The following KCNAB1 variants were observed in gnomAD, a reference collection of about 807,000 sequenced individuals.
The protein encoded by KCNAB1 is voltage-gated potassium channel subunit beta-1.
A neutral mutation model predicts 64.6 loss-of-function variants in KCNAB1; 35 were observed. The observed-to-expected ratio is 0.54, with a 90% CI of 0.41 to 0.72. The LOEUF is 0.72. KCNAB1 is among the 30% of genes least tolerant of loss of function. The pLI is 0.00. For synonymous variants in KCNAB1, 177 were observed against 183.8 expected (o/e 0.96, Z 0.30); for missense variants, 401 against 512.9 (o/e 0.78, Z 2.11).
intron 1 of KCNAB1, among the ~76,000 whole-genome samples, chr3:156,378,050 A>T (rs966063470): frequency 6.6e-6 from 1 of 152,194 alleles, no homozygotes; most frequent in East Asian, 1.9e-4. Context: ...GTATATGGAC[A>T]TGCAGGGAGC....
intron 1 of KCNAB1, among the ~76,000 whole-genome samples, chr3:156,202,711 G>A (rs949171881): frequency 2.6e-5 from 4 of 152,028 alleles, no homozygotes; most frequent in Admixed American, 2.0e-4. Flanking sequence ...GATATTGTCT[G>A]TCATGTTAAG....
chr3:156,232,396 A>C (rs1391409614), intron 1 of KCNAB1, among the ~76,000 whole-genome samples: 1 of 152,254 alleles, frequency 6.6e-6, no homozygotes, highest in Non-Finnish European at 1.5e-5. Context: ...TTGGATTTCA[A>C]AGTCCAGGGA....
chr3:156,306,917 C>G (rs1331594121), intron 1 of KCNAB1, among the ~76,000 whole-genome samples: 1 of 152,194 alleles, frequency 6.6e-6, no homozygotes, highest in Admixed American at 6.5e-5. Flanking sequence ...AATTCCCTGA[C>G]GCTGAAGAGT....
chr3:156,370,623 T>C (rs1726238984), intron 1 of KCNAB1, among the ~76,000 whole-genome samples: 1 of 152,192 alleles, frequency 6.6e-6, no homozygotes, highest in African/African-American at 2.4e-5. Context: ...GAAGGGGATA[T>C]GATACAAAAG....
chr3:156,197,820 C>T (rs6441049), intron 1 of KCNAB1, among the ~76,000 whole-genome samples: 89,035 of 151,964 alleles, frequency 0.59, 26,773 homozygotes, highest in East Asian at 0.9. Context: ...TTAGTTATTT[C>T]TTGTCTTCTG....
At chr3:156,220,072 AT>A (rs1412710049) in intron 1 of KCNAB1, among the ~76,000 whole-genome samples, 1 of 152,104 alleles carries the variant, frequency 6.6e-6, no homozygotes, top group Non-Finnish European at 1.5e-5. Context: ...GCTGCATAGT[AT>A]TCTATGGTGT....
At chr3:156,292,987 A>G (rs1720543756) in intron 1 of KCNAB1, among the ~76,000 whole-genome samples, 1 of 152,202 alleles carries the variant, frequency 6.6e-6, no homozygotes. Context: ...TTAAATGTAG[A>G]CCTTGTGAAA....
chr3:156,338,259 T>C (rs1042283403), intron 1 of KCNAB1, among the ~76,000 whole-genome samples: 8 of 148,932 alleles, frequency 5.4e-5, no homozygotes, highest in African/African-American at 2.0e-4. Context: ...TGGCCCACTT[T>C]CCCTTGGGGA....
chr3:156,236,946 G>A (rs1716886107), intron 1 of KCNAB1, among the ~76,000 whole-genome samples: 1 of 152,140 alleles, frequency 6.6e-6, no homozygotes, highest in Non-Finnish European at 1.5e-5. Flanking sequence ...ATAGGATCTA[G>A]TAAAAGGCTG....
chr3:156,480,210 C>A (rs1559907206), intron 8 of KCNAB1, among the ~76,000 whole-genome samples: 1 of 152,066 alleles, frequency 6.6e-6, no homozygotes. Flanking sequence ...TACCTTCAAG[C>A]CATTCGAAAA....
intron 8 of KCNAB1, among the ~76,000 whole-genome samples, chr3:156,491,533 A>T (rs529387410): frequency 1.1e-4 from 16 of 152,174 alleles, no homozygotes; most frequent in Non-Finnish European, 2.1e-4. Context: ...AGCCATGGAT[A>T]TTAAATACTT....
At chr3:156,302,082 C>T (rs191904696) in intron 1 of KCNAB1, among the ~76,000 whole-genome samples, 2 of 152,280 alleles carry the variant, frequency 1.3e-5, no homozygotes, top group African/African-American at 4.8e-5. Context: ...CATTTCCTTG[C>T]CTTTTTCGGC....
In KCNAB1 at chr3:156,261,557, T is replaced by A. The variant is rs894931878; in HGVS notation, c.275+140671T>A. Among the ~76,000 whole-genome samples the A allele has an allele frequency of 2.6e-5, 4 of 152,068 alleles. No homozygotes were observed. In the South Asian group the frequency reaches 8.3e-4, roughly 31 times the overall value. On this transcript the variant is annotated intron_variant, in intron 1 of 13. Coordinates refer to ENST00000490337, the MANE Select transcript of KCNAB1 (RefSeq NM_172160.3). ...AAAAGTTAAGGTTATAGTCCATAAA[T>A]GTAAGAAATTATTACTAAGTCTCAG...
At chr3:156,384,849 A>C (rs1712460501) in intron 1 of KCNAB1, among the ~76,000 whole-genome samples, 1 of 152,154 alleles carries the variant, frequency 6.6e-6, no homozygotes. Flanking sequence ...TTCTGGCAGG[A>C]GAAGGAGGGC....
At chr3:156,524,058 G>A in intron 12 of KCNAB1, 111 bp downstream of exon 12, 1 of 1,050,108 alleles carries the variant, frequency 9.5e-7, no homozygotes, top group Non-Finnish European at 1.3e-6. Flanking sequence ...AGGGACAGAT[G>A]ATCTCTGAAG....
intron 2 of KCNAB1, among the ~76,000 whole-genome samples, chr3:156,440,245 T>C (rs1322826946): frequency 2.6e-5 from 4 of 152,230 alleles, no homozygotes; most frequent in Non-Finnish European, 5.9e-5. Flanking sequence ...GAGATAAAAA[T>C]ATTTATATTT....
intron 1 of KCNAB1, among the ~76,000 whole-genome samples, chr3:156,352,083 G>T (rs28623610): frequency 0.13 from 19,483 of 152,158 alleles, 3,354 homozygotes; most frequent in African/African-American, 0.4. Context: ...GCTCAAGCCC[G>T]CTGTGAGGCT....
intron 1 of KCNAB1, among the ~76,000 whole-genome samples, chr3:156,155,924 C>T (rs1484064734): frequency 2.6e-5 from 4 of 152,168 alleles, no homozygotes; most frequent in African/African-American, 7.2e-5. Flanking sequence ...TTGTCCTTTC[C>T]CACTGGAGTT....
chr3:156,449,364 T>A (rs1263955135), intron 2 of KCNAB1, among the ~76,000 whole-genome samples: 1 of 151,974 alleles, frequency 6.6e-6, no homozygotes, highest in Non-Finnish European at 1.5e-5. Context: ...GCCAGGAGGG[T>A]GGTTGGTTTT....
Sources: gnomAD v4.1 joint callset for allele counts (sites outside exome capture counted in the v4.1 genomes callset) on GRCh38, gnomAD v4.1.1 for gene constraint, MANE v1.5 for transcripts, NCBI Gene and HGNC (gene_info 2026-07-23, HGNC 2026-07-21) for gene names.